The following FGF14 variants were observed in gnomAD, a reference collection of about 807,000 sequenced individuals.
FGF14 encodes fibroblast growth factor homologous factor 4.
Under a neutral mutation model 25.5 loss-of-function variants are expected in FGF14, and 5 were observed. The observed-to-expected ratio is 0.20, with a 90% CI of 0.10 to 0.41. The LOEUF (loss-of-function observed/expected upper bound fraction) is 0.41. Ranked by LOEUF, FGF14 falls within the 10% of genes least tolerant of loss-of-function variation. The probability of loss-of-function intolerance (pLI) is 1.00; values close to 1 mark genes in which losing one functional copy is unlikely to be tolerated. For synonymous variants in FGF14, 138 were observed against 118.3 expected, an observed-to-expected ratio of 1.17 and a Z score of -1.08; for missense variants, 222 against 320.1, an observed-to-expected ratio of 0.69 and a Z score of 2.34.
chr13:102,200,991 A>G, intron 1 of FGF14, among the ~76,000 whole-genome samples: 1 of 151,104 alleles, frequency 6.6e-6, no homozygotes, highest in Admixed American at 6.6e-5. Flanking sequence ...AGTCCCAGCT[A>G]CTGGGGAGGC....
intron 3 of FGF14, among the ~76,000 whole-genome samples, chr13:101,766,251 C>T (rs1594172797): frequency 1.3e-5 from 2 of 152,146 alleles, no homozygotes; most frequent in Admixed American, 1.3e-4. Flanking sequence ...CAAGTCAAGG[C>T]ACGTGTGTGT....
intron 1 of FGF14, among the ~76,000 whole-genome samples, chr13:102,141,009 A>G (rs1339871766): frequency 6.6e-6 from 1 of 152,178 alleles, no homozygotes; most frequent in Non-Finnish European, 1.5e-5. Flanking sequence ...ATGCCACCAA[A>G]ATTTTCTTTC....
intron 1 of FGF14, among the ~76,000 whole-genome samples, chr13:102,014,394 G>C (rs1449689883): frequency 6.6e-6 from 1 of 151,996 alleles, no homozygotes; most frequent in African/African-American, 2.4e-5. Flanking sequence ...CCAGAACCAG[G>C]CATATTCCTA....
intron 3 of FGF14, among the ~76,000 whole-genome samples, chr13:101,826,162 C>T (rs1429962178): frequency 6.6e-6 from 1 of 152,030 alleles, no homozygotes; most frequent in Non-Finnish European, 1.5e-5. Flanking sequence ...TCTTTCTCAC[C>T]GTTAAAACAT....
chr13:102,296,729 G>C (rs1208914225), intron 1 of FGF14, among the ~76,000 whole-genome samples: 1 of 152,070 alleles, frequency 6.6e-6, no homozygotes, highest in Non-Finnish European at 1.5e-5. Flanking sequence ...CTTTACTTCA[G>C]TTAGATGCTA....
chr13:101,781,076 A>G (rs1012508689), intron 3 of FGF14, among the ~76,000 whole-genome samples: 15 of 151,626 alleles, frequency 9.9e-5, no homozygotes, highest in Non-Finnish European at 2.1e-4. Flanking sequence ...TCCACCCCAC[A>G]TGCTTTCCCT....
At chr13:102,115,527 T>C (rs1566704585) in intron 1 of FGF14, among the ~76,000 whole-genome samples, 2 of 152,220 alleles carry the variant, frequency 1.3e-5, no homozygotes, top group African/African-American at 2.4e-5. Context: ...GGGCTTCTTT[T>C]AATAAGTGTC....
chr13:102,126,299 A>C (rs1245328289), intron 1 of FGF14, among the ~76,000 whole-genome samples: 1 of 152,182 alleles, frequency 6.6e-6, no homozygotes, highest in African/African-American at 2.4e-5. Context: ...TAGGAACTTC[A>C]CGCATGTGGA....
chr13:101,993,760 C>T (rs2039031597), intron 1 of FGF14, among the ~76,000 whole-genome samples: 1 of 151,530 alleles, frequency 6.6e-6, no homozygotes, highest in Non-Finnish European at 1.5e-5. Context: ...TCAATTAGAA[C>T]CAGAGAAGGC....
At chr13:102,394,177 G>A (rs2058505518) in intron 1 of FGF14, among the ~76,000 whole-genome samples, 1 of 152,244 alleles carries the variant, frequency 6.6e-6, no homozygotes, top group South Asian at 2.1e-4. Flanking sequence ...AGCTTGGGCA[G>A]AATCACCAGC....
chr13:102,021,685 G>T lies in FGF14; in HGVS notation c.209-146389C>A, dbSNP rs113455189. On this transcript the variant is annotated intron_variant, in intron 1 of 4. Transcript: ENST00000376131. ...CAATTAAATTCAACATATATTTGGT[G>T]AGAAATTACTTTGGCTAAGAGTCCA... Among the ~76,000 whole-genome samples the T allele has an allele frequency of 2.7e-3, 409 of 152,150 alleles. 2 individuals carry two copies. Among genetic ancestry groups the T allele is most frequent in the African/African-American group, 9.3e-3 (388 of 41,532 alleles).
intron 3 of FGF14, among the ~76,000 whole-genome samples, chr13:101,756,285 A>G (rs1257854619): frequency 6.6e-6 from 1 of 152,228 alleles, no homozygotes; most frequent in Non-Finnish European, 1.5e-5. Context: ...ATGCATTTTT[A>G]TAATATGCTA....
At chr13:101,765,380 A>G (rs1263153576) in intron 3 of FGF14, among the ~76,000 whole-genome samples, 1 of 152,138 alleles carries the variant, frequency 6.6e-6, no homozygotes, top group Non-Finnish European at 1.5e-5. Flanking sequence ...CAGCCTCTAA[A>G]TGGCATTACT....
At chr13:101,928,612 A>G (rs2034535697) in intron 1 of FGF14, among the ~76,000 whole-genome samples, 3 of 152,160 alleles carry the variant, frequency 2.0e-5, no homozygotes, top group Non-Finnish European at 4.4e-5. Flanking sequence ...GTAGCCTTAG[A>G]GATGATTTAA....
In FGF14 at chr13:102,140,048, C is replaced by G. The variant is rs989196466; in HGVS notation, c.208+261423G>C. Reference sequence around the variant, plus strand: ...TTTAGGTCAAACTCTTCAAGACCCCCCCCCCCCCTTACAGCAGTAAGTCAT... The same window carrying G: ...TTTAGGTCAAACTCTTCAAGACCCCGCCCCCCCCTTACAGCAGTAAGTCAT... On this transcript the variant is annotated intron_variant, in intron 1 of 4. Coordinates refer to the FGF14 transcript ENST00000376131. Among the ~76,000 whole-genome samples, 7 of 142,536 alleles carry G rather than the reference C, an allele frequency of 4.9e-5. 1 individual carries two copies. Among genetic ancestry groups the G allele is most frequent in the South Asian group, 2.4e-4 (1 of 4,144 alleles). The allele number at this position is 142,536 out of a possible 152,430, so 93.5% of individuals were successfully genotyped here.
At chr13:102,019,186 T>A (rs548256070) in intron 1 of FGF14, among the ~76,000 whole-genome samples, 33 of 152,244 alleles carry the variant, frequency 2.2e-4, no homozygotes, top group African/African-American at 7.9e-4. Flanking sequence ...CCATCCCAGA[T>A]CTTCATCTTG....
chr13:101,959,099 A>T (rs1182993136), intron 1 of FGF14, among the ~76,000 whole-genome samples: 1 of 152,168 alleles, frequency 6.6e-6, no homozygotes, highest in Non-Finnish European at 1.5e-5. Context: ...GCAGATCATC[A>T]GGCATTATCT....
chr13:102,168,471 A>C (rs1172196765), intron 1 of FGF14, among the ~76,000 whole-genome samples: 1 of 152,048 alleles, frequency 6.6e-6, no homozygotes, highest in East Asian at 1.9e-4. Flanking sequence ...GAGCCACTGC[A>C]CCTAGCCTAA....
At chr13:102,036,220 A>C (rs138578349) in intron 1 of FGF14, among the ~76,000 whole-genome samples, 1 of 152,264 alleles carries the variant, frequency 6.6e-6, no homozygotes, top group African/African-American at 2.4e-5. Context: ...AGATATGTCC[A>C]TCACATTTCT....
Sources: gnomAD v4.1 joint callset for allele counts (sites outside exome capture counted in the v4.1 genomes callset) on GRCh38, gnomAD v4.1.1 for gene constraint, MANE v1.5 for transcripts, NCBI Gene and HGNC (gene_info 2026-07-23, HGNC 2026-07-21) for gene names.